The following DMD variants were observed in gnomAD, a reference collection of about 807,000 sequenced individuals.
DMD encodes the protein mutant dystrophin.
A neutral mutation model predicts 330.1 loss-of-function variants in DMD; 63 were observed. The observed-to-expected ratio is 0.19, with a 90% CI of 0.16 to 0.24. DMD has a LOEUF of 0.24. Among genes scored for constraint, DMD ranks in the 10% least tolerant of loss-of-function variants. DMD has a pLI of 1.00. For synonymous variants in DMD, 1,223 were observed against 959.8 expected, an observed-to-expected ratio of 1.27 and a Z score of -5.07; for missense variants, 3,344 against 2,684.1, an observed-to-expected ratio of 1.25 and a Z score of -5.43.
chrX:33,237,242 C>T (rs1451613176), intron 1 of DMD, among the ~76,000 whole-genome samples: 1 of 68,228 alleles, frequency 1.5e-5, no homozygotes, highest in Non-Finnish European at 2.6e-5. Context: ...CTTTCTTTTT[C>T]TTTCTCTCTT....
At chrX:31,898,139 A>T (rs1382484323) in intron 47 of DMD, among the ~76,000 whole-genome samples, 5 of 110,501 alleles carry the variant, frequency 4.5e-5, no homozygotes, top group African/African-American at 6.6e-5. Flanking sequence ...AAATGGAAGA[A>T]CATTCCATGC....
intron 57 of DMD, among the ~76,000 whole-genome samples, chrX:31,495,567 T>C (rs2069756463): frequency 8.9e-6 from 1 of 112,027 alleles, no homozygotes; most frequent in South Asian, 3.7e-4. Context: ...AAATAATTGG[T>C]CATCGTTGGA....
In DMD at chrX:31,812,659, TAG is replaced by T. The variant is rs201128606; in HGVS notation, c.7309+7314_7309+7315del. Among the ~76,000 whole-genome samples, 49 of 111,969 alleles carry T rather than the reference TAG, an allele frequency of 4.4e-4. No individual in the cohort carries two copies. The East Asian group carries it at 0.012, about 28-fold the overall frequency. ...GTGAGGATTTGATATTCAATTTAAA[TAG>T]AGACTTCAAAAAATTCAAATGAAGA... On this transcript the variant is annotated intron_variant, in intron 50 of 78. Transcript: ENST00000357033.
At chrX:31,891,636 C>CA (rs2094252852) in intron 47 of DMD, among the ~76,000 whole-genome samples, 3 of 112,118 alleles carry the variant, frequency 2.7e-5, no homozygotes, top group Admixed American at 1.9e-4. Flanking sequence ...CAGCCATGCC[C>CA]ATTCGTTTAT....
intron 23 of DMD, 35 bp downstream of exon 23, chrX:32,468,463 T>A: frequency 8.9e-7 from 1 of 1,129,684 alleles, no homozygotes; most frequent in South Asian, 1.9e-5. Flanking sequence ...AACAAGTAAA[T>A]AAAAATGAGG....
intron 16 of DMD, among the ~76,000 whole-genome samples, chrX:32,546,707 C>T (rs1384950536): frequency 9.0e-6 from 1 of 111,469 alleles, no homozygotes; most frequent in African/African-American, 3.3e-5. Flanking sequence ...ACAGTTTCTA[C>T]ATTTGCCAAG....
intron 7 of DMD, among the ~76,000 whole-genome samples, chrX:32,725,365 T>G (rs1246916367): frequency 9.0e-6 from 1 of 111,046 alleles, no homozygotes; most frequent in Non-Finnish European, 1.9e-5. Flanking sequence ...TGTGTTTATA[T>G]ACATGCTATG....
intron 21 of DMD, among the ~76,000 whole-genome samples, chrX:32,477,034 C>T (rs1817430792): frequency 9.0e-6 from 1 of 111,046 alleles, no homozygotes; most frequent in East Asian, 2.8e-4. Flanking sequence ...AAAAATATGG[C>T]CTGAAGATTT....
chrX:31,644,740 T>C (rs1401302570), intron 54 of DMD, among the ~76,000 whole-genome samples: 1 of 111,976 alleles, frequency 8.9e-6, no homozygotes, highest in Non-Finnish European at 1.9e-5. Flanking sequence ...ACTTTGACTT[T>C]CAATTCTGGT....
Position 33,279,141 on chromosome X carries a change from G to A in DMD, c.7+60118C>T, listed in dbSNP as rs574813808. Among the ~76,000 whole-genome samples the A allele has an allele frequency of 2.1e-3, 236 of 111,942 alleles. 1 individual carries two copies. Among genetic ancestry groups the A allele is most frequent in the Non-Finnish European group, 1.9e-3 (100 of 53,238 alleles). On this transcript the variant is annotated intron_variant, in intron 1 of 17. Transcript: ENST00000288447. ...CATTCTTCTCATCTGCACACAGAAT[G>A]TACTGCAAGATAAACCACATGCTCA...
chrX:31,751,224 T>A (rs1195437439), intron 51 of DMD, among the ~76,000 whole-genome samples: 1 of 110,888 alleles, frequency 9.0e-6, no homozygotes, highest in Non-Finnish European at 1.9e-5. Context: ...GCTGGAGGCA[T>A]CACGCTACCT....
At chrX:31,755,752 T>C (rs1001307569) in intron 51 of DMD, among the ~76,000 whole-genome samples, 5 of 112,059 alleles carry the variant, frequency 4.5e-5, no homozygotes, top group African/African-American at 1.3e-4. Context: ...ATGGTTATAT[T>C]TGTTATAAAG....
intron 51 of DMD, among the ~76,000 whole-genome samples, chrX:31,739,481 T>C (rs1474172217): frequency 9.0e-6 from 1 of 111,413 alleles, no homozygotes; most frequent in African/African-American, 3.3e-5. Context: ...ATGTTTCAAT[T>C]TGTTGATATT....
intron 12 of DMD, among the ~76,000 whole-genome samples, chrX:32,605,249 A>G (rs917343860): frequency 9.9e-5 from 11 of 110,687 alleles, no homozygotes; most frequent in African/African-American, 3.6e-4. Flanking sequence ...ATAAAACCAC[A>G]TATCTATGAC....
At chrX:31,933,889 G>T (rs1411990575) in intron 45 of DMD, among the ~76,000 whole-genome samples, 3 of 111,039 alleles carry the variant, frequency 2.7e-5, no homozygotes, top group Admixed American at 9.6e-5. Flanking sequence ...TGGCTGTATA[G>T]CATTTAATTG....
intron 44 of DMD, among the ~76,000 whole-genome samples, chrX:32,148,773 G>A (rs1921370): frequency 0.34 from 37,956 of 110,467 alleles, 5,074 homozygotes; most frequent in East Asian, 0.61. Context: ...TGAAATTTAT[G>A]TATATCACTG....
intron 7 of DMD, among the ~76,000 whole-genome samples, chrX:32,783,159 G>A (rs187229770): frequency 1.1e-5 from 1 of 92,202 alleles, no homozygotes; most frequent in African/African-American, 3.8e-5. Context: ...CATATATATA[G>A]ATATATGGCA....
At chrX:31,290,053 T>C (rs1413806142) in intron 62 of DMD, among the ~76,000 whole-genome samples, 1 of 108,339 alleles carries the variant, frequency 9.2e-6, no homozygotes, top group African/African-American at 3.4e-5. Flanking sequence ...CCCGAGTAGC[T>C]GGGATTACAG....
chrX:32,858,935 A>G (rs1269451049), intron 2 of DMD, among the ~76,000 whole-genome samples: 1 of 110,679 alleles, frequency 9.0e-6, no homozygotes, highest in African/African-American at 3.3e-5. Flanking sequence ...TCTCTCACTC[A>G]CTCACTAGCT....
Sources: allele counts gnomAD v4.1 joint callset (sites outside exome capture counted in the v4.1 genomes callset), GRCh38; gene constraint gnomAD v4.1.1; transcripts MANE v1.5; gene names NCBI Gene and HGNC (gene_info 2026-07-23, HGNC 2026-07-21).